The following KCNK10 variants were observed in gnomAD, a reference collection of about 807,000 sequenced individuals.
KCNK10 encodes the protein potassium two pore domain channel subfamily K member 10, also known as potassium channel subfamily K member 10.
A neutral mutation model predicts 47.7 loss-of-function variants in KCNK10; 25 were observed. The observed-to-expected ratio is 0.52, with a 90% CI of 0.38 to 0.73. The LOEUF is 0.73. Among genes scored for constraint, KCNK10 ranks in the 30% least tolerant of loss-of-function variants. KCNK10 has a pLI of 0.00. For synonymous variants in KCNK10, 303 were observed against 285.6 expected, an observed-to-expected ratio of 1.06 and a Z score of -0.61; for missense variants, 563 against 714.5, an observed-to-expected ratio of 0.79 and a Z score of 2.42.
At chr14:88,302,908 G>A (rs1481408030) in intron 1 of KCNK10, among the ~76,000 whole-genome samples, 1 of 152,068 alleles carries the variant, frequency 6.6e-6, no homozygotes, top group East Asian at 1.9e-4. Flanking sequence ...TCCAATTTTG[G>A]TTAAATGACA....
chr14:88,203,039 T>TG (rs1885151555), intron 4 of KCNK10, among the ~76,000 whole-genome samples: 1 of 151,944 alleles, frequency 6.6e-6, no homozygotes, highest in Non-Finnish European at 1.5e-5. Flanking sequence ...GGAGGTGGGG[T>TG]GGCAGGCAGG....
At chr14:88,200,716 T>C (rs1184735017) in intron 4 of KCNK10, among the ~76,000 whole-genome samples, 2 of 152,226 alleles carry the variant, frequency 1.3e-5, no homozygotes, top group Non-Finnish European at 2.9e-5. Context: ...ATTCCTTTTT[T>C]CAATGAGTAT....
At chr14:88,249,406 A>G (rs1340684328) in intron 2 of KCNK10, among the ~76,000 whole-genome samples, 3 of 152,230 alleles carry the variant, frequency 2.0e-5, no homozygotes, top group Admixed American at 1.3e-4. Context: ...CTAAAGGACA[A>G]CCAGGAGGTA....
Position 88,279,430 on chromosome 14 carries a change from A to C in KCNK10, c.53-15879T>G, listed in dbSNP as rs1257562970. 2.0e-5 allele frequency among the ~76,000 whole-genome samples: 3 copies of C among 151,132 alleles called. No individual in the cohort carries two copies. In the East Asian group the frequency reaches 5.9e-4, roughly 29 times the overall value. On this transcript the variant is annotated intron_variant, in intron 1 of 6. Coordinates refer to ENST00000319231, the MANE Select transcript of KCNK10 (RefSeq NM_138317.3). ...GTGTGTTACAATGCACATAACATAA[A>C]ATTCCCTATTCTAGCCATTTTAAAG...
rs532759690 is a variant in KCNK10 at position 88,303,711 on chromosome 14, G to T, written c.52+19036C>A. 1.9e-3 allele frequency among the ~76,000 whole-genome samples: 294 copies of T among 152,288 alleles called. 5 individuals carry two copies. The South Asian group carries it at 0.034, about 18-fold the overall frequency. On this transcript the variant is annotated intron_variant, in intron 1 of 6. Coordinates refer to ENST00000319231, the MANE Select transcript of KCNK10 (RefSeq NM_138317.3). ...TTCATCTAGAGAGGAATCAAGGTGG[G>T]ACTGGTGGGTGCAGATGCAGGTAAC...
chr14:88,245,453 C>T (rs1362734257), intron 2 of KCNK10, among the ~76,000 whole-genome samples: 3 of 152,108 alleles, frequency 2.0e-5, no homozygotes, highest in South Asian at 2.1e-4. Flanking sequence ...GTAACTGGAC[C>T]CCTCACAGGA....
At chr14:88,200,529 A>G (rs922436147) in intron 4 of KCNK10, among the ~76,000 whole-genome samples, 2 of 152,224 alleles carry the variant, frequency 1.3e-5, no homozygotes, top group African/African-American at 4.8e-5. Context: ...TTCTAGTTAG[A>G]CTAGGAACGA....
intron 4 of KCNK10, among the ~76,000 whole-genome samples, chr14:88,209,170 T>C (rs1885376500): frequency 6.6e-6 from 1 of 152,234 alleles, no homozygotes; most frequent in Admixed American, 6.5e-5. Context: ...AGGCTTCTTT[T>C]CGGAGGAAAC....
Position 88,181,123 on chromosome 14 carries a change from C to G in KCNK10, c.*4412G>C, listed in dbSNP as rs1222749244. On this transcript the variant is annotated 3_prime_UTR_variant, in exon 7 of 7. Coordinates refer to ENST00000319231, the MANE Select transcript of KCNK10 (RefSeq NM_138317.3). Reference sequence around the variant, plus strand: ...GCTCTGAATGTTTGTTTTCCTACGCCTTTCCCGTGGTTCAGAAACCCTGGT... The same window carrying G: ...GCTCTGAATGTTTGTTTTCCTACGCGTTTCCCGTGGTTCAGAAACCCTGGT... 3.4e-6 allele frequency: 1 copy of G among 291,580 alleles called. No individual in the cohort carries two copies. Among genetic ancestry groups the G allele is most frequent in the East Asian group, 5.5e-5 (1 of 18,032 alleles). The allele number at this position is 291,580 out of a possible 1,614,324, so 18.1% of individuals were successfully genotyped here. A position where few individuals can be genotyped will look rare whatever the true frequency, so the allele number is the denominator to read the frequency against.
Position 88,323,055 on chromosome 14 carries a change from T to C in KCNK10, c.-257A>G, listed in dbSNP as rs1888582766. ...CCCGTGGGTAAAAGAAAAAGTAAGATCGGCGAGGGGTGGATGAAAGGATGG... is the reference window on the plus strand; with the variant it reads ...CCCGTGGGTAAAAGAAAAAGTAAGACCGGCGAGGGGTGGATGAAAGGATGG... On this transcript the variant is annotated 5_prime_UTR_variant, in exon 1 of 7. Transcript: ENST00000319231. The C allele has an allele frequency of 1.1e-5, 14 of 1,296,596 alleles. No individual in the cohort carries two copies. The highest frequency in any genetic ancestry group is 1.4e-5 in the Non-Finnish European group (14 of 1,016,506). The allele number at this position is 1,296,596 out of a possible 1,614,324, so 80.3% of individuals were successfully genotyped here.
chr14:88,325,253 G>T (rs534119797), upstream of KCNK10, among the ~76,000 whole-genome samples: 7 of 152,208 alleles, frequency 4.6e-5, no homozygotes, highest in East Asian at 1.4e-3. Flanking sequence ...AACTGTTCAC[G>T]GACAGCTGGA....
At chr14:88,234,965 G>A (rs762054728) in intron 3 of KCNK10, 118 of 357,112 alleles carry the variant, frequency 3.3e-4, no homozygotes, top group African/African-American at 1.7e-3. Context: ...GAAAGTATCC[G>A]AAAATATCCA....
intron 1 of KCNK10, among the ~76,000 whole-genome samples, chr14:88,309,076 T>C (rs1307519682): frequency 6.6e-6 from 1 of 152,234 alleles, no homozygotes; most frequent in African/African-American, 2.4e-5. Context: ...TCTTGTTTAT[T>C]GCTGTACCTC....
intron 4 of KCNK10, among the ~76,000 whole-genome samples, chr14:88,193,448 T>C (rs930749135): frequency 2.0e-5 from 3 of 152,186 alleles, no homozygotes; most frequent in Admixed American, 2.0e-4. Context: ...TGAAAAATCC[T>C]CGCAATTCTC....
chr14:88,303,752 T>C (rs1888152822), intron 1 of KCNK10, among the ~76,000 whole-genome samples: 1 of 152,156 alleles, frequency 6.6e-6, no homozygotes, highest in African/African-American at 2.4e-5. Context: ...AGACTTGATC[T>C]GGGGAAATGA....
At chr14:88,324,841 A>G (rs908919351), upstream of KCNK10, among the ~76,000 whole-genome samples, 2 of 152,154 alleles carry the variant, frequency 1.3e-5, no homozygotes, top group African/African-American at 4.8e-5. Flanking sequence ...AAGGTTTCTG[A>G]GTCCAAGAGC....
chr14:88,299,869 A>G (rs899711617), intron 1 of KCNK10, among the ~76,000 whole-genome samples: 2 of 152,230 alleles, frequency 1.3e-5, no homozygotes, highest in African/African-American at 4.8e-5. Flanking sequence ...CACAGCTGAT[A>G]TCTAAATATG....
chr14:88,282,372 C>T (rs1418547321), intron 1 of KCNK10, among the ~76,000 whole-genome samples: 2 of 152,142 alleles, frequency 1.3e-5, no homozygotes, highest in East Asian at 1.9e-4. Flanking sequence ...GGAAGAGAAG[C>T]TCAGTTCATG....
intron 4 of KCNK10, among the ~76,000 whole-genome samples, chr14:88,194,898 A>ATG (rs1884862975): frequency 2.0e-5 from 3 of 152,060 alleles, no homozygotes; most frequent in Admixed American, 2.0e-4. Context: ...TTGCATGTGT[A>ATG]TGTGTGTGTA....
Sources: allele counts gnomAD v4.1 joint callset (sites outside exome capture counted in the v4.1 genomes callset), GRCh38; gene constraint gnomAD v4.1.1; transcripts MANE v1.5; gene names NCBI Gene and HGNC (gene_info 2026-07-23, HGNC 2026-07-21).